Variants in CTIF observed in about 807,000 individuals in gnomAD.
The protein encoded by CTIF is cap binding complex dependent translation initiation factor.
Under a neutral mutation model 66.0 loss-of-function variants are expected in CTIF, and 21 were observed. That is an observed-to-expected ratio of 0.32 (90% CI 0.23 to 0.46). The LOEUF is 0.46. Among genes scored for constraint, CTIF ranks in the 20% least tolerant of loss-of-function variants. The pLI is 1.00. For missense variants in CTIF, 739 were observed against 812.7 expected (o/e 0.91, Z 1.10); for synonymous variants, 345 against 326.4 (o/e 1.06, Z -0.62).
chr18:48,812,202 G>A (rs571074383), intron 9 of CTIF, among the ~76,000 whole-genome samples: 4 of 152,298 alleles, frequency 2.6e-5, no homozygotes, highest in African/African-American at 9.6e-5. Flanking sequence ...GACCTCAAGC[G>A]ATCGACCTGC....
At chr18:48,616,973 A>G (rs1236870222) in intron 1 of CTIF, among the ~76,000 whole-genome samples, 1 of 152,244 alleles carries the variant, frequency 6.6e-6, no homozygotes. Flanking sequence ...AGCATAAAAC[A>G]ATAGCATTCA....
At chr18:48,595,125 C>A (rs926252538) in intron 1 of CTIF, among the ~76,000 whole-genome samples, 1 of 152,192 alleles carries the variant, frequency 6.6e-6, no homozygotes, top group African/African-American at 2.4e-5. Context: ...AGGAAATGGA[C>A]CCCCGAGCCT....
At chr18:48,614,853 TGTTTG>T (rs1274878929) in intron 1 of CTIF, among the ~76,000 whole-genome samples, 2 of 152,034 alleles carry the variant, frequency 1.3e-5, no homozygotes, top group South Asian at 2.1e-4. Context: ...TTGTTTGTTT[TGTTTG>T]GTTTGGTTGG....
chr18:48,706,812 C>T (rs971615054), intron 6 of CTIF, among the ~76,000 whole-genome samples: 11 of 152,186 alleles, frequency 7.2e-5, no homozygotes, highest in African/African-American at 2.2e-4. Flanking sequence ...ACTCTGCCGG[C>T]GCTGCATGTG....
intron 9 of CTIF, among the ~76,000 whole-genome samples, chr18:48,803,446 TC>T (rs2068084696): frequency 6.6e-6 from 1 of 152,204 alleles, no homozygotes. Flanking sequence ...CTCTCTTCAT[TC>T]TTTTGGATGG....
intron 9 of CTIF, among the ~76,000 whole-genome samples, chr18:48,782,144 C>T (rs779424219): frequency 2.6e-5 from 4 of 151,778 alleles, no homozygotes; most frequent in Admixed American, 6.6e-5. Context: ...TGAGCCCTGC[C>T]AGAACCAGGA....
chr18:48,621,000 C>T (rs1331198401), intron 2 of CTIF, among the ~76,000 whole-genome samples: 1 of 152,068 alleles, frequency 6.6e-6, no homozygotes, highest in African/African-American at 2.4e-5. Flanking sequence ...AGATGTGATG[C>T]TTTCTTTAGT....
intron 10 of CTIF, among the ~76,000 whole-genome samples, chr18:48,837,962 T>C (rs1334183451): frequency 6.6e-6 from 1 of 152,134 alleles, no homozygotes; most frequent in Non-Finnish European, 1.5e-5. Context: ...CTGATTTGGT[T>C]TTGCTGTCCA....
At chr18:48,607,379 G>A (rs2090222663) in intron 1 of CTIF, among the ~76,000 whole-genome samples, 1 of 152,342 alleles carries the variant, frequency 6.6e-6, no homozygotes, top group East Asian at 1.9e-4. Context: ...CCTGGCAGAA[G>A]AGGGGCCTGC....
At chr18:48,649,399 A>C (rs993938709) in intron 3 of CTIF, among the ~76,000 whole-genome samples, 1 of 152,154 alleles carries the variant, frequency 6.6e-6, no homozygotes, top group African/African-American at 2.4e-5. Context: ...CTGGAGGGGG[A>C]GGGGCGTCTG....
At chr18:48,672,820 C>T (rs913425752) in intron 6 of CTIF, among the ~76,000 whole-genome samples, 3 of 152,264 alleles carry the variant, frequency 2.0e-5, no homozygotes, top group Non-Finnish European at 2.9e-5. Flanking sequence ...TGTCCCTGTT[C>T]GGACTCCTTA....
chr18:48,708,985 A>G (rs2145461806), intron 6 of CTIF, among the ~76,000 whole-genome samples: 1 of 152,296 alleles, frequency 6.6e-6, no homozygotes, highest in Admixed American at 6.5e-5. Context: ...AACGATGATG[A>G]TGATGATGAT....
At chr18:48,608,027 GTAGGCA>G (rs1191433666) in intron 1 of CTIF, among the ~76,000 whole-genome samples, 1 of 152,126 alleles carries the variant, frequency 6.6e-6, no homozygotes, top group Non-Finnish European at 1.5e-5. Context: ...CCTCATTTTT[GTAGGCA>G]TAGACCACTT....
At chr18:48,547,396 A>C (rs1163730574) in intron 1 of CTIF, among the ~76,000 whole-genome samples, 1 of 152,104 alleles carries the variant, frequency 6.6e-6, no homozygotes, top group Admixed American at 6.5e-5. Flanking sequence ...TGGGCACTAC[A>C]TTGTCTTCCC....
intron 6 of CTIF, among the ~76,000 whole-genome samples, chr18:48,674,266 T>C (rs896877325): frequency 1.3e-5 from 2 of 152,250 alleles, no homozygotes; most frequent in African/African-American, 4.8e-5. Context: ...GAGCAAGTGC[T>C]GGTGCCTTGC....
intron 1 of CTIF, among the ~76,000 whole-genome samples, chr18:48,551,047 C>A (rs1287391596): frequency 6.6e-6 from 1 of 151,022 alleles, no homozygotes; most frequent in Non-Finnish European, 1.5e-5. Context: ...CTAACTCCAG[C>A]GCCTCAGAAC....
At chr18:48,837,035 C>T (rs551365627) in intron 10 of CTIF, among the ~76,000 whole-genome samples, 1 of 152,340 alleles carries the variant, frequency 6.6e-6, no homozygotes, top group African/African-American at 2.4e-5. Context: ...GACAGCAAAG[C>T]CTGCACTGCC....
At chr18:48,855,509 A>G (rs2069307812) in intron 10 of CTIF, among the ~76,000 whole-genome samples, 1 of 152,190 alleles carries the variant, frequency 6.6e-6, no homozygotes, top group African/African-American at 2.4e-5. Flanking sequence ...CTGTGGCCTG[A>G]CCTGGATCCC....
chr18:48,687,156 C>T (rs898291283), intron 6 of CTIF, among the ~76,000 whole-genome samples: 1 of 151,838 alleles, frequency 6.6e-6, no homozygotes, highest in East Asian at 1.9e-4. Context: ...GGGGATAAAG[C>T]GATCTGTCTT....
Sources: gnomAD v4.1 joint callset for allele counts (sites outside exome capture counted in the v4.1 genomes callset) on GRCh38, gnomAD v4.1.1 for gene constraint, MANE v1.5 for transcripts, NCBI Gene and HGNC (gene_info 2026-07-23, HGNC 2026-07-21) for gene names.